RNLS: variants seen among roughly 807,000 people sequenced by gnomAD.
RNLS encodes the protein renalase.
A neutral mutation model predicts 39.8 loss-of-function variants in RNLS; 39 were observed. The ratio of observed to expected loss-of-function variants is 0.98; its 90% CI spans 0.76 to 1.28. RNLS has a LOEUF of 1.28. RNLS is among the 50% of genes most tolerant of loss of function. The pLI is 0.00. For missense variants in RNLS, 410 were observed against 413.3 expected (o/e 0.99, Z 0.07); for synonymous variants, 147 against 150.7 (o/e 0.98, Z 0.18).
the RNLS span, among the ~76,000 whole-genome samples, chr10:88,235,118 C>T: frequency 6.6e-5 from 10 of 151,686 alleles, no homozygotes; most frequent in South Asian, 1.0e-3. Context: ...AAAAATTAGC[C>T]GGGCGTCGGG....
intron 3 of RNLS, among the ~76,000 whole-genome samples, chr10:88,577,129 G>A (rs1300359931): frequency 1.3e-5 from 2 of 152,128 alleles, no homozygotes; most frequent in Non-Finnish European, 2.9e-5. Context: ...AACTAAGGTG[G>A]TATTACTCTT....
intron 4 of RNLS, among the ~76,000 whole-genome samples, chr10:88,423,588 T>G (rs1204050641): frequency 6.6e-6 from 1 of 152,220 alleles, no homozygotes; most frequent in East Asian, 1.9e-4. Context: ...GCAATAGATT[T>G]GTCAGATGCA....
the RNLS span, among the ~76,000 whole-genome samples, chr10:88,233,496 T>C: frequency 6.6e-6 from 1 of 152,176 alleles, no homozygotes; most frequent in Non-Finnish European, 1.5e-5. Context: ...TGACTTTCCC[T>C]GGGCTTGGGT....
intron 4 of RNLS, among the ~76,000 whole-genome samples, chr10:88,415,468 T>A (rs1853957318): frequency 6.6e-6 from 1 of 152,228 alleles, no homozygotes; most frequent in African/African-American, 2.4e-5. Context: ...GGTGCTTTTT[T>A]AAATGACTTT....
At chr10:88,392,149 G>A (rs995295976) in intron 4 of RNLS, among the ~76,000 whole-genome samples, 7 of 152,244 alleles carry the variant, frequency 4.6e-5, no homozygotes, top group Non-Finnish European at 5.9e-5. Context: ...AAAAGACTGA[G>A]TGGCAATTGT....
At chr10:88,416,639 G>A (rs892572388) in intron 4 of RNLS, among the ~76,000 whole-genome samples, 1 of 152,094 alleles carries the variant, frequency 6.6e-6, no homozygotes, top group Non-Finnish European at 1.5e-5. Context: ...TTCTTCAAAT[G>A]TTTTACAATA....
At chr10:88,573,156 C>G in intron 3 of RNLS, 95 bp from the exon 4 acceptor site, 1 of 1,189,290 alleles carries the variant, frequency 8.4e-7, no homozygotes, top group East Asian at 2.4e-5. Context: ...TTCAAGTGAA[C>G]AAAATGGCCA....
rs143400384 is a variant in RNLS at position 88,285,456 on chromosome 10, T to C, written c.927A>G (p.Lys309=). The C allele has an allele frequency of 5.6e-6, 9 of 1,613,072 alleles. No individual in the cohort carries two copies. Among genetic ancestry groups the C allele is most frequent in the Non-Finnish European group, 7.6e-6 (9 of 1,179,488 alleles). The change falls in exon 7 of 7, where the codon AAA becomes AAG. Residue 309 remains lysine (K), a synonymous_variant. Transcript: ENST00000331772. ...NCPGQMTLHH[K]PFLACGGDGF... is the part of the protein sequence containing the mutation. Reference sequence around the variant, plus strand: ...CATCCCCTCCACATGCAAGGAAAGGTTTGTGATGCAGAGTCATTTGGCCAG... The same window carrying C: ...CATCCCCTCCACATGCAAGGAAAGGCTTGTGATGCAGAGTCATTTGGCCAG...
In RNLS at chr10:88,348,274, A is replaced by C. The variant is rs554132163; in HGVS notation, c.700+14278T>G. 8.5e-5 allele frequency among the ~76,000 whole-genome samples: 13 copies of C among 152,272 alleles called. No individual in the cohort carries two copies. In the South Asian group the frequency reaches 2.7e-3, roughly 32 times the overall value. On this transcript the variant is annotated intron_variant, in intron 5 of 6. Transcript: ENST00000331772. ...CAGATCCACACATTTATTCATCATG[A>C]ACAGTCATCTGATTCTCATTCCTGC...
the RNLS span, among the ~76,000 whole-genome samples, chr10:88,222,443 A>G: frequency 1.3e-5 from 2 of 152,140 alleles, no homozygotes; most frequent in Non-Finnish European, 2.9e-5. Context: ...CCCACAACTA[A>G]TAGGCTGTTT....
the RNLS span, among the ~76,000 whole-genome samples, chr10:88,208,018 T>C: frequency 6.6e-6 from 1 of 152,250 alleles, no homozygotes; most frequent in African/African-American, 2.4e-5. Context: ...GCCCCTTCCT[T>C]TGAAGTTCAG....
Position 88,582,206 on chromosome 10 carries a change from G to A in RNLS, c.220C>T (p.Gln74Ter). ...CACTCCTTGCAACTAACTCACCGTTGGTGTTTTTTGGCATAATGAGGAGTG... is the reference window on the plus strand; with the variant it reads ...CACTCCTTGCAACTAACTCACCGTTAGTGTTTTTTGGCATAATGAGGAGTG... ...TCTPHYAKKHQRFYDELLAYG... is the reference protein window; with the variant it reads ...TCTPHYAKKH Residue 74 changes from glutamine (Q) to a stop codon, truncating the protein, a stop_gained, in exon 2 of 7, where the codon CAA (glutamine) becomes TAA (stop). Transcript: ENST00000331772. LOFTEE classifies it high-confidence loss of function. The A allele has an allele frequency of 6.2e-7, 1 of 1,611,658 alleles. No homozygotes were observed. Among genetic ancestry groups the A allele is most frequent in the South Asian group, 1.1e-5 (1 of 90,906 alleles).
chr10:88,338,758 CTTTTTTT>C (rs36061512), intron 5 of RNLS, among the ~76,000 whole-genome samples: 4 of 112,496 alleles, frequency 3.6e-5, no homozygotes, highest in East Asian at 2.5e-4. Flanking sequence ...GCTAGATTTC[CTTTTTTT>C]TTTTTTTTTT....
At chr10:88,341,329 C>CAAAAA (rs755002114) in intron 5 of RNLS, among the ~76,000 whole-genome samples, 29 of 50,512 alleles carry the variant, frequency 5.7e-4, no homozygotes, top group East Asian at 1.4e-3. Flanking sequence ...AACTCCATCT[C>CAAAAA]AAAAAAAAAA....
At chr10:88,394,468 A>G (rs373200256) in intron 4 of RNLS, among the ~76,000 whole-genome samples, 3 of 152,178 alleles carry the variant, frequency 2.0e-5, no homozygotes, top group Non-Finnish European at 2.9e-5. Context: ...GGCCATCAGA[A>G]AAATGCAAAT....
intron 4 of RNLS, among the ~76,000 whole-genome samples, chr10:88,506,694 A>G (rs1845813850): frequency 6.6e-6 from 1 of 152,112 alleles, no homozygotes; most frequent in Admixed American, 6.6e-5. Flanking sequence ...ACTTTTCTGT[A>G]TTTGAAACAT....
At chr10:88,517,737 T>C (rs1479692844) in intron 4 of RNLS, among the ~76,000 whole-genome samples, 2 of 151,888 alleles carry the variant, frequency 1.3e-5, no homozygotes, top group Non-Finnish European at 2.9e-5. Context: ...AAATTACTTA[T>C]AAAAAGTGAA....
At chr10:88,208,475 C>A in the RNLS span, among the ~76,000 whole-genome samples, 1 of 152,004 alleles carries the variant, frequency 6.6e-6, no homozygotes, top group East Asian at 1.9e-4. Flanking sequence ...AAAGAGTAAT[C>A]CCCTAGAGCC....
chr10:88,342,709 T>A (rs1310739785), intron 5 of RNLS, among the ~76,000 whole-genome samples: 1 of 152,204 alleles, frequency 6.6e-6, no homozygotes, highest in Non-Finnish European at 1.5e-5. Flanking sequence ...ACTTCAGGAA[T>A]GCCCTCTGTG....
Sources: allele counts gnomAD v4.1 joint callset (sites outside exome capture counted in the v4.1 genomes callset), GRCh38; gene constraint gnomAD v4.1.1; transcripts MANE v1.5; gene names NCBI Gene and HGNC (gene_info 2026-07-23, HGNC 2026-07-21).